PRKCI: variants seen among roughly 807,000 people sequenced by gnomAD.
The protein encoded by PRKCI is protein kinase C iota, also known as protein kinase C iota type.
Under a neutral mutation model 84.0 loss-of-function variants are expected in PRKCI, and 43 were observed. The observed-to-expected ratio is 0.51, with a 90% CI of 0.40 to 0.66. The LOEUF (loss-of-function observed/expected upper bound fraction) is 0.66, where lower values mean the gene tolerates loss of function less well. Among genes scored for constraint, PRKCI ranks in the 30% least tolerant of loss-of-function variants. The pLI, the probability that PRKCI is intolerant of heterozygous loss-of-function variation, is 0.00. For missense variants in PRKCI, 459 were observed against 745.6 expected (o/e 0.62, Z 4.48); for synonymous variants, 216 against 234.4 (o/e 0.92, Z 0.72).
intron 1 of PRKCI, among the ~76,000 whole-genome samples, chr3:170,230,680 G>A (rs1732763999): frequency 6.6e-6 from 1 of 151,936 alleles, no homozygotes; most frequent in African/African-American, 2.4e-5. Flanking sequence ...TGGTATTTTG[G>A]GGTTTAGTCA....
chr3:170,305,762 CTT>C lies in PRKCI; in HGVS notation c.*2637_*2638del, dbSNP rs1734943280. On this transcript the variant is annotated 3_prime_UTR_variant, in exon 18 of 18. Transcript: ENST00000295797. ...TGGAATTTTGGCTTTCTAAGAAAAACTTTATTTTGCATAAGCATGTGGTCAGA... is the reference window on the plus strand; with the variant it reads ...TGGAATTTTGGCTTTCTAAGAAAAACTATTTTGCATAAGCATGTGGTCAGA... The C allele has an allele frequency of 6.6e-6, 1 of 152,120 alleles. No individual in the cohort carries two copies. Among genetic ancestry groups the C allele is most frequent in the Non-Finnish European group, 1.5e-5 (1 of 68,012 alleles). The allele number at this position is 152,120 out of a possible 1,614,324, so 9.4% of individuals were successfully genotyped here. A position where few individuals can be genotyped will look rare whatever the true frequency, so the allele number is the denominator to read the frequency against.
chr3:170,279,382 A>G (rs924740329), intron 8 of PRKCI, among the ~76,000 whole-genome samples: 1 of 152,156 alleles, frequency 6.6e-6, no homozygotes, highest in Non-Finnish European at 1.5e-5. Flanking sequence ...AGTTTTTCTA[A>G]TACCCTTCTT....
chr3:170,283,092 G>A (rs868135871), intron 11 of PRKCI, among the ~76,000 whole-genome samples: 4 of 149,262 alleles, frequency 2.7e-5, no homozygotes, highest in African/African-American at 7.5e-5. Context: ...GTGAAAGAGC[G>A]AGACTCCGTC....
At chr3:170,290,036 G>A (rs1213497194) in intron 12 of PRKCI, among the ~76,000 whole-genome samples, 1 of 150,844 alleles carries the variant, frequency 6.6e-6, no homozygotes, top group Non-Finnish European at 1.5e-5. Flanking sequence ...TCACGCCACT[G>A]AACTCCAGCC....
Position 170,298,980 on chromosome 3 carries a change from A to C in PRKCI, c.1588-15A>C. The C allele has an allele frequency of 6.5e-7, 1 of 1,538,122 alleles. No homozygotes were observed. Among genetic ancestry groups the C allele is most frequent in the Non-Finnish European group, 9.0e-7 (1 of 1,112,290 alleles). On this transcript the variant is annotated splice_polypyrimidine_tract_variant and intron_variant, in intron 16 of 17. Transcript: ENST00000295797. The stretch of plus-strand genomic sequence containing the variant: ...AGAATACAGACTTGAGCTGTCATCC[A>C]GTATGTCTTTTCAGATGGAGCAAAA...
chr3:170,229,750 T>A (rs1732738001), intron 1 of PRKCI, among the ~76,000 whole-genome samples: 1 of 152,214 alleles, frequency 6.6e-6, no homozygotes, highest in Non-Finnish European at 1.5e-5. Context: ...AATATGATAT[T>A]GTTTCCCAAA....
At chr3:170,236,084 C>T (rs1732968133) in intron 2 of PRKCI, among the ~76,000 whole-genome samples, 1 of 144,704 alleles carries the variant, frequency 6.9e-6, no homozygotes. Flanking sequence ...CTGCATTCAG[C>T]TTCACTTTAT....
intron 2 of PRKCI, among the ~76,000 whole-genome samples, chr3:170,250,110 C>G (rs1182396123): frequency 6.8e-6 from 1 of 146,340 alleles, no homozygotes; most frequent in African/African-American, 2.6e-5. Flanking sequence ...TAAAAAAATA[C>G]AAAAACAAAA....
At chr3:170,301,446 A>G (rs1734815478) in intron 17 of PRKCI, among the ~76,000 whole-genome samples, 1 of 152,146 alleles carries the variant, frequency 6.6e-6, no homozygotes, top group Admixed American at 6.6e-5. Context: ...AGCAGCTCAA[A>G]TATATGAAGT....
At position 170,222,584 on chromosome 3, in the gene PRKCI, C is replaced by T; in HGVS notation, c.-86C>T. 1 of 1,206,672 alleles carries T rather than the reference C, an allele frequency of 8.3e-7. No homozygotes were observed. The highest frequency in any genetic ancestry group is 1.1e-6 in the Non-Finnish European group (1 of 884,792). 74.7% of individuals were successfully genotyped at this position (1,206,672 alleles called of 1,614,324 possible). ...TGGGCGGACGGCCGCGGTTCTCCGGCAAGCGCAGGCGGCGGAGTCCCCCAC... is the reference window on the plus strand; with the variant it reads ...TGGGCGGACGGCCGCGGTTCTCCGGTAAGCGCAGGCGGCGGAGTCCCCCAC... On this transcript the variant is annotated 5_prime_UTR_variant, in exon 1 of 18. Transcript: ENST00000295797.
intron 1 of PRKCI, among the ~76,000 whole-genome samples, chr3:170,228,312 G>T (rs1056694405): frequency 5.9e-5 from 9 of 152,200 alleles, no homozygotes; most frequent in African/African-American, 2.2e-4. Context: ...TAGAAATACA[G>T]AAAGAGGCTG....
chr3:170,245,510 T>C (rs906065581), intron 2 of PRKCI, among the ~76,000 whole-genome samples: 9 of 152,152 alleles, frequency 5.9e-5, no homozygotes, highest in Non-Finnish European at 1.0e-4. Context: ...TGAGGCGGTA[T>C]TGGGGACCTT....
intron 4 of PRKCI, among the ~76,000 whole-genome samples, chr3:170,264,342 C>T (rs956291970): frequency 1.2e-4 from 19 of 152,004 alleles, no homozygotes; most frequent in African/African-American, 4.6e-4. Context: ...TGCAGTGACG[C>T]AATCTTGGCT....
chr3:170,268,828 CA>C (rs745423903), intron 5 of PRKCI, among the ~76,000 whole-genome samples: 11 of 152,126 alleles, frequency 7.2e-5, no homozygotes, highest in Admixed American at 3.3e-4. Flanking sequence ...GTAACTTGCC[CA>C]AGATAATACA....
At chr3:170,300,278 G>A (rs1213223751) in intron 17 of PRKCI, among the ~76,000 whole-genome samples, 1 of 152,056 alleles carries the variant, frequency 6.6e-6, no homozygotes, top group African/African-American at 2.4e-5. Context: ...TGCCTCCTTT[G>A]CAGCTGTCCC....
At chr3:170,228,920 T>C (rs1732711384) in intron 1 of PRKCI, among the ~76,000 whole-genome samples, 1 of 152,156 alleles carries the variant, frequency 6.6e-6, no homozygotes, top group Non-Finnish European at 1.5e-5. Flanking sequence ...TCCCTCTTTA[T>C]GTCCATGTGT....
chr3:170,230,572 C>G (rs981949979), intron 1 of PRKCI, among the ~76,000 whole-genome samples: 48 of 152,242 alleles, frequency 3.2e-4, no homozygotes, highest in African/African-American at 1.1e-3. Context: ...TCAAGTGATT[C>G]ACCCGCTGTG....
chr3:170,289,819 G>A (rs1407230297), intron 12 of PRKCI, among the ~76,000 whole-genome samples: 2 of 151,956 alleles, frequency 1.3e-5, no homozygotes, highest in South Asian at 4.2e-4. Flanking sequence ...GGCTGAGGCA[G>A]GAGAATCGCT....
intron 2 of PRKCI, among the ~76,000 whole-genome samples, chr3:170,237,354 T>C (rs1188809611): frequency 1.3e-5 from 2 of 152,092 alleles, no homozygotes; most frequent in African/African-American, 2.4e-5. Context: ...ATGACTATTA[T>C]GGAAGTCTAG....
Sources: allele counts gnomAD v4.1 joint callset (sites outside exome capture counted in the v4.1 genomes callset), GRCh38; gene constraint gnomAD v4.1.1; transcripts MANE v1.5; gene names NCBI Gene and HGNC (gene_info 2026-07-23, HGNC 2026-07-21).